Variants in HS3ST4 observed in about 807,000 individuals in gnomAD.
HS3ST4 encodes the protein heparan sulfate-glucosamine 3-sulfotransferase 4.
HS3ST4 carries 17 observed loss-of-function variants against 29.2 expected under a neutral mutation model. The ratio of observed to expected loss-of-function variants is 0.58; its 90% CI spans 0.40 to 0.87. The LOEUF is 0.87. Ranked by LOEUF, HS3ST4 falls within the 40% of genes least tolerant of loss-of-function variation. The pLI is 0.00. For synonymous variants in HS3ST4, 314 were observed against 285.7 expected, an observed-to-expected ratio of 1.10 and a Z score of -1.00; for missense variants, 627 against 634.5, an observed-to-expected ratio of 0.99 and a Z score of 0.13.
intron 1 of HS3ST4, among the ~76,000 whole-genome samples, chr16:26,050,645 T>G (rs148895498): frequency 2.5e-4 from 38 of 152,288 alleles, no homozygotes; most frequent in African/African-American, 8.4e-4. Flanking sequence ...CACCACTCAC[T>G]AACCAGGCAC....
chr16:25,697,643 A>G (rs1281725526), intron 1 of HS3ST4, among the ~76,000 whole-genome samples: 1 of 152,178 alleles, frequency 6.6e-6, no homozygotes, highest in Non-Finnish European at 1.5e-5. Context: ...TCTTGTTAAC[A>G]TGTAGATTTG....
At chr16:25,790,527 G>A (rs912960238) in intron 1 of HS3ST4, among the ~76,000 whole-genome samples, 3 of 152,168 alleles carry the variant, frequency 2.0e-5, no homozygotes, top group African/African-American at 7.2e-5. Context: ...GTGAGTCCAG[G>A]ATGTAACACA....
chr16:25,759,959 A>C (rs919554048), intron 1 of HS3ST4, among the ~76,000 whole-genome samples: 2 of 152,032 alleles, frequency 1.3e-5, no homozygotes, highest in African/African-American at 4.8e-5. Flanking sequence ...AAGGAGTAAA[A>C]CCCTGTGAAA....
chr16:25,903,716 T>G (rs1968146024), intron 1 of HS3ST4, among the ~76,000 whole-genome samples: 1 of 152,158 alleles, frequency 6.6e-6, no homozygotes, highest in Non-Finnish European at 1.5e-5. Context: ...CATGCTAGGC[T>G]TTCTCTCACA....
At chr16:25,734,557 G>T (rs1003723436) in intron 1 of HS3ST4, among the ~76,000 whole-genome samples, 2 of 152,152 alleles carry the variant, frequency 1.3e-5, no homozygotes, top group African/African-American at 4.8e-5. Context: ...TCTGTGAGGT[G>T]CTGGGGTATG....
chr16:25,692,681 C>A lies in HS3ST4; in HGVS notation c.264C>A (p.Pro88=), dbSNP rs987959482. ...CGCCACCCTCTCTGCTGCCTACCCC[C>A]GTGCGCCTCGGCGCCCCCTCGCAGC... ...SPPPPSLLPT[P]VRLGAPSQPP... Residue 88 remains proline, a synonymous_variant, in exon 1 of 2, where the codon CCC becomes CCA. Coordinates refer to ENST00000331351, the MANE Select transcript of HS3ST4 (RefSeq NM_006040.3). 7 of 1,245,986 alleles carry A rather than the reference C, an allele frequency of 5.6e-6. No individual in the cohort carries two copies. The highest frequency in any genetic ancestry group is 1.6e-5 in the African/African-American group (1 of 62,954). The allele number at this position is 1,245,986 out of a possible 1,614,324, so 77.2% of individuals were successfully genotyped here.
At chr16:25,940,210 T>C (rs1206005359) in intron 1 of HS3ST4, among the ~76,000 whole-genome samples, 3 of 152,214 alleles carry the variant, frequency 2.0e-5, no homozygotes, top group African/African-American at 7.2e-5. Flanking sequence ...GATTTTTTTT[T>C]TTTTTTTGAA....
chr16:25,709,093 T>C (rs1455706057), intron 1 of HS3ST4, among the ~76,000 whole-genome samples: 2 of 152,094 alleles, frequency 1.3e-5, no homozygotes, highest in East Asian at 3.9e-4. Context: ...TATCTTTTTT[T>C]TTTTTTTGGC....
At chr16:25,926,310 T>C (rs780987186) in intron 1 of HS3ST4, among the ~76,000 whole-genome samples, 6 of 152,216 alleles carry the variant, frequency 3.9e-5, no homozygotes, top group Non-Finnish European at 7.3e-5. Flanking sequence ...CTGGCAGTAA[T>C]TCTGCCCTGT....
intron 1 of HS3ST4, among the ~76,000 whole-genome samples, chr16:25,698,190 C>T (rs1966311910): frequency 6.6e-6 from 1 of 152,178 alleles, no homozygotes; most frequent in Admixed American, 6.5e-5. Flanking sequence ...CTCAGCCTCC[C>T]AAAGTGCTGG....
intron 1 of HS3ST4, among the ~76,000 whole-genome samples, chr16:25,836,344 A>G (rs1967356075): frequency 6.6e-6 from 1 of 152,180 alleles, no homozygotes; most frequent in African/African-American, 2.4e-5. Context: ...CATATCCCTA[A>G]GCAGGCAGTC....
chr16:25,944,166 A>C (rs1219658546), intron 1 of HS3ST4, among the ~76,000 whole-genome samples: 1 of 152,106 alleles, frequency 6.6e-6, no homozygotes, highest in East Asian at 1.9e-4. Flanking sequence ...GCCAGGTCTG[A>C]GTTCTTGTCC....
chr16:25,799,519 CTG>C (rs1247158213), intron 1 of HS3ST4, among the ~76,000 whole-genome samples: 3 of 152,146 alleles, frequency 2.0e-5, no homozygotes, highest in African/African-American at 7.2e-5. Flanking sequence ...AGCCTTTTCT[CTG>C]TGAACCATCA....
intron 1 of HS3ST4, among the ~76,000 whole-genome samples, chr16:25,785,325 C>T (rs759937178): frequency 2.0e-5 from 3 of 152,150 alleles, no homozygotes; most frequent in African/African-American, 4.8e-5. Context: ...AAAGGTCACT[C>T]AGCTAGAGAT....
At chr16:26,108,524 A>C (rs1157927820) in intron 1 of HS3ST4, among the ~76,000 whole-genome samples, 2 of 152,236 alleles carry the variant, frequency 1.3e-5, no homozygotes, top group Non-Finnish European at 2.9e-5. Flanking sequence ...GGTTAAGAGC[A>C]AGAGTGGACT....
intron 1 of HS3ST4, among the ~76,000 whole-genome samples, chr16:25,998,119 CAGGTATGGT>C (rs1969172988): frequency 6.6e-6 from 1 of 151,902 alleles, no homozygotes; most frequent in South Asian, 2.1e-4. Flanking sequence ...AAACATTAGC[CAGGTATGGT>C]AGCATGCACC....
chr16:26,038,980 G>T (rs553182326), intron 1 of HS3ST4, among the ~76,000 whole-genome samples: 113 of 152,212 alleles, frequency 7.4e-4, no homozygotes, highest in African/African-American at 2.6e-3. Flanking sequence ...ACTGCACCCA[G>T]CCTGGTTCTT....
At chr16:25,927,934 C>A (rs763758936) in intron 1 of HS3ST4, among the ~76,000 whole-genome samples, 1 of 149,838 alleles carries the variant, frequency 6.7e-6, no homozygotes. Flanking sequence ...TGCAGTGGCT[C>A]ACGCCTGTAA....
intron 1 of HS3ST4, among the ~76,000 whole-genome samples, chr16:25,790,589 G>T (rs971145447): frequency 1.2e-4 from 18 of 152,248 alleles, no homozygotes; most frequent in Middle Eastern, 3.4e-3. Context: ...AGCTTTTCCA[G>T]TGGTTGTAGT....
Sources: gnomAD v4.1 joint callset for allele counts (sites outside exome capture counted in the v4.1 genomes callset) on GRCh38, gnomAD v4.1.1 for gene constraint, MANE v1.5 for transcripts, NCBI Gene and HGNC (gene_info 2026-07-23, HGNC 2026-07-21) for gene names.